Variants in PUDP observed in about 807,000 individuals in gnomAD.
PUDP encodes the protein pseudouridine-5'-phosphatase.
Under a neutral mutation model 9.4 loss-of-function variants are expected in PUDP, and 8 were observed. The observed-to-expected ratio is 0.85, with a 90% confidence interval of 0.50 to 1.53. The LOEUF (loss-of-function observed/expected upper bound fraction) is 1.53. Among genes scored for constraint, PUDP ranks in the 40% most tolerant of loss-of-function variants. The pLI is 0.00. For synonymous variants in PUDP, 99 were observed against 80.7 expected (o/e 1.23, Z -1.22); for missense variants, 188 against 189.7 (o/e 0.99, Z 0.05).
intron 1 of PUDP, among the ~76,000 whole-genome samples, chrX:6,988,577 G>T (rs1372380309): frequency 9.0e-6 from 1 of 111,700 alleles, no homozygotes; most frequent in East Asian, 2.8e-4. Context: ...TCTGAGTCCT[G>T]GAGGCCTTCC....
intron 3 of PUDP, among the ~76,000 whole-genome samples, chrX:7,075,143 T>A (rs914943971): frequency 8.9e-6 from 1 of 111,993 alleles, no homozygotes; most frequent in African/African-American, 3.3e-5. Context: ...TTCAACCTAA[T>A]AAGATGCCTC....
At chrX:7,024,840 C>G (rs1331693861) in intron 1 of PUDP, among the ~76,000 whole-genome samples, 1 of 103,036 alleles carries the variant, frequency 9.7e-6, no homozygotes, top group Non-Finnish European at 2.0e-5. Flanking sequence ...ATCTGCCCAC[C>G]TTGGCTTCCC....
chrX:6,855,220 T>C (rs1012233162), intron 3 of PUDP, among the ~76,000 whole-genome samples: 11 of 111,748 alleles, frequency 9.8e-5, no homozygotes, highest in Non-Finnish European at 1.5e-4. Flanking sequence ...CTCTTCTTTA[T>C]GACTTTCTTA....
At chrX:7,052,101 T>G (rs5978832) in intron 3 of PUDP, among the ~76,000 whole-genome samples, 1 of 106,556 alleles carries the variant, frequency 9.4e-6, no homozygotes, top group Non-Finnish European at 1.9e-5. Context: ...GGTGCGATCT[T>G]GGCTCACTGC....
intron 3 of PUDP, among the ~76,000 whole-genome samples, chrX:6,859,089 C>A (rs1343072547): frequency 6.3e-5 from 7 of 111,746 alleles, no homozygotes; most frequent in Non-Finnish European, 1.3e-4. Flanking sequence ...CCTGCACACA[C>A]TCTCTTGCCT....
chrX:6,901,750 G>GC (rs1484047021), intron 3 of PUDP, among the ~76,000 whole-genome samples: 1 of 112,942 alleles, frequency 8.9e-6, no homozygotes, highest in Non-Finnish European at 1.9e-5. Context: ...CAAAGACCCT[G>GC]CATTGGGCAG....
intron 3 of PUDP, among the ~76,000 whole-genome samples, chrX:6,858,346 T>TC (rs1332060570): frequency 9.6e-6 from 1 of 104,147 alleles, no homozygotes; most frequent in Non-Finnish European, 2.0e-5. Flanking sequence ...TTTTTTTTTT[T>TC]TGATACAGGG....
chrX:7,118,269 A>T (rs1049309457), intron 1 of PUDP, among the ~76,000 whole-genome samples: 8 of 112,481 alleles, frequency 7.1e-5, no homozygotes, highest in Admixed American at 2.8e-4. Flanking sequence ...AAAACTATAG[A>T]ACAGTGAGGC....
intron 3 of PUDP, among the ~76,000 whole-genome samples, chrX:6,732,393 C>T (rs2146660570): frequency 9.0e-6 from 1 of 111,309 alleles, no homozygotes; most frequent in African/African-American, 3.3e-5. Flanking sequence ...CTTGTGTGGG[C>T]TTATATGTGC....
At chrX:6,750,883 C>T (rs1037623865) in intron 3 of PUDP, among the ~76,000 whole-genome samples, 22 of 111,374 alleles carry the variant, frequency 2.0e-4, no homozygotes, top group East Asian at 1.1e-3. Flanking sequence ...CTCACACCTC[C>T]AATCCCAGCA....
chrX:6,794,242 A>G (rs1472152598), intron 3 of PUDP, among the ~76,000 whole-genome samples: 1 of 112,548 alleles, frequency 8.9e-6, no homozygotes, highest in African/African-American at 3.2e-5. Flanking sequence ...GTGTGCGATT[A>G]GTCTATTTCT....
At position 7,141,871 on chromosome X, in the gene PUDP, T is replaced by C. The variant is rs571966430; in HGVS notation, c.61+6182A>G. Reference sequence around the variant, plus strand: ...AAAATGATGCTGAATCTTCTCTTCCTGGGCTTTGTAAATGGAACAGCAAAG... The same window carrying C: ...AAAATGATGCTGAATCTTCTCTTCCCGGGCTTTGTAAATGGAACAGCAAAG... On this transcript the variant is annotated intron_variant, in intron 1 of 3. Transcript: ENST00000381077. 9.8e-5 allele frequency among the ~76,000 whole-genome samples: 11 copies of C among 112,705 alleles called. No individual in the cohort carries two copies. In the South Asian group the frequency reaches 4.1e-3, roughly 42 times the overall value.
chrX:6,726,759 G>T (rs1000556064), intron 3 of PUDP, among the ~76,000 whole-genome samples: 2 of 110,848 alleles, frequency 1.8e-5, no homozygotes, highest in Admixed American at 1.9e-4. Flanking sequence ...AAGCCTTCCT[G>T]GAAATACATA....
chrX:7,109,859 A>G (rs774272605), intron 1 of PUDP, among the ~76,000 whole-genome samples: 13 of 112,665 alleles, frequency 1.2e-4, no homozygotes, highest in Non-Finnish European at 1.9e-4. Context: ...CAGCTTTAAC[A>G]TTGCTTCAGG....
chrX:6,900,591 A>AAGAG (rs779020790), intron 3 of PUDP, among the ~76,000 whole-genome samples: 7 of 80,221 alleles, frequency 8.7e-5, no homozygotes, highest in African/African-American at 2.4e-4. Flanking sequence ...GAGGGAGAGA[A>AAGAG]AGAGAGAGAG....
chrX:7,132,043 T>C (rs1328463101), intron 1 of PUDP, among the ~76,000 whole-genome samples: 1 of 110,460 alleles, frequency 9.1e-6, no homozygotes, highest in Non-Finnish European at 1.9e-5. Context: ...AGATGAATGA[T>C]GATAATATAG....
At chrX:6,966,023 T>C (rs951714360) in intron 3 of PUDP, among the ~76,000 whole-genome samples, 1 of 110,727 alleles carries the variant, frequency 9.0e-6, no homozygotes, top group African/African-American at 3.3e-5. Flanking sequence ...TGCATATGAA[T>C]AGACAGGAAT....
intron 1 of PUDP, among the ~76,000 whole-genome samples, chrX:6,714,776 T>C (rs147780899): frequency 0.012 from 1,312 of 111,548 alleles, 23 homozygotes; most frequent in African/African-American, 0.041. Context: ...ATGTGTCTTG[T>C]CTATTGGATA....
chrX:7,137,733 C>T (rs1932764942), intron 1 of PUDP, among the ~76,000 whole-genome samples: 1 of 112,247 alleles, frequency 8.9e-6, no homozygotes, highest in Admixed American at 9.4e-5. Flanking sequence ...AACAGAGGAA[C>T]CCATACACGT....
Sources: allele counts gnomAD v4.1 joint callset (sites outside exome capture counted in the v4.1 genomes callset), GRCh38; gene constraint gnomAD v4.1.1; transcripts MANE v1.5; gene names NCBI Gene and HGNC (gene_info 2026-07-23, HGNC 2026-07-21).